DST: variants seen among roughly 807,000 people sequenced by gnomAD.
DST encodes the protein dystonin.
A neutral mutation model predicts 875.2 loss-of-function variants in DST; 253 were observed. The observed-to-expected ratio is 0.29, with a 90% CI of 0.26 to 0.32. DST has a LOEUF of 0.32. Ranked by LOEUF, DST falls within the 10% of genes least tolerant of loss-of-function variation. DST has a pLI of 1.00. For synonymous variants in DST, 3,124 were observed against 3,197.1 expected (o/e 0.98, Z 0.77); for missense variants, 8,287 against 9,111.6 (o/e 0.91, Z 3.68).
At chr6:56,512,713 T>C (rs944078972) in intron 72 of DST, among the ~76,000 whole-genome samples, 1 of 152,226 alleles carries the variant, frequency 6.6e-6, no homozygotes, top group Non-Finnish European at 1.5e-5. Context: ...ATGAGCATTA[T>C]TTTGAGAACC....
intron 10 of DST, among the ~76,000 whole-genome samples, chr6:56,669,170 CAAAT>C (rs1195743916): frequency 6.7e-6 from 1 of 148,990 alleles, no homozygotes; most frequent in Non-Finnish European, 1.5e-5. Context: ...TTATTGTAAT[CAAAT>C]AAATTGGTTA....
Position 56,633,591 on chromosome 6 carries a change from C to G in DST, c.3621+541G>C, listed in dbSNP as rs192843831. Among the ~76,000 whole-genome samples the G allele has an allele frequency of 1.7e-3, 265 of 151,700 alleles. 1 individual carries two copies. Among genetic ancestry groups the G allele is most frequent in the African/African-American group, 4.8e-3 (198 of 41,316 alleles). On this transcript the variant is annotated intron_variant, in intron 27 of 103. Transcript: ENST00000680361. ...TCTCAGCTCACTGCAACCTCTGCCC[C>G]CCAGGTCCAAGCAATTCTCCTGCCT... is the stretch of plus-strand genomic sequence containing the variant.
chr6:56,587,687 A>T (rs1388190081), intron 49 of DST, among the ~76,000 whole-genome samples: 1 of 152,220 alleles, frequency 6.6e-6, no homozygotes, highest in Non-Finnish European at 1.5e-5. Flanking sequence ...CACAAAGGGA[A>T]GCCCATCAGA....
chr6:56,777,220 C>G (rs908496931), intron 4 of DST, among the ~76,000 whole-genome samples: 12 of 152,098 alleles, frequency 7.9e-5, no homozygotes, highest in African/African-American at 1.2e-4. Context: ...AATAGGAAAC[C>G]CTGTTTCTGA....
chr6:56,912,653 C>CA (rs1592394160), intron 2 of DST, among the ~76,000 whole-genome samples: 2 of 152,184 alleles, frequency 1.3e-5, no homozygotes, highest in Non-Finnish European at 2.9e-5. Flanking sequence ...ACGCATAGAT[C>CA]AGCAAGTGGG....
intron 50 of DST, among the ~76,000 whole-genome samples, chr6:56,577,749 A>G (rs1294955999): frequency 6.6e-6 from 1 of 152,214 alleles, no homozygotes; most frequent in Non-Finnish European, 1.5e-5. Flanking sequence ...ACAGAAATAC[A>G]CAATAACATT....
At chr6:56,767,467 A>G (rs141038099) in intron 4 of DST, among the ~76,000 whole-genome samples, 1,757 of 152,100 alleles carry the variant, frequency 0.012, 44 homozygotes, top group African/African-American at 0.041. Context: ...AAATACAAAA[A>G]TTAGCGTGGC....
intron 10 of DST, among the ~76,000 whole-genome samples, chr6:56,653,069 C>T (rs187333571): frequency 6.6e-6 from 1 of 152,284 alleles, no homozygotes; most frequent in East Asian, 1.9e-4. Context: ...TGCCAAATCT[C>T]AGAACAAGAC....
At chr6:56,828,928 G>A (rs905974785) in intron 4 of DST, among the ~76,000 whole-genome samples, 1 of 152,104 alleles carries the variant, frequency 6.6e-6, no homozygotes, top group Non-Finnish European at 1.5e-5. Flanking sequence ...AATCTAGAAA[G>A]CTTCACTAAT....
In DST at chr6:56,573,680, A is replaced by G. The variant is rs2097815812; in HGVS notation, c.13235T>C (p.Ile4412Thr). ...GGACTTTTTTTTAAAGTCACTTACA[A>G]TGTTTTTACTGATAATATCCTGAAG... is the stretch of plus-strand genomic sequence containing the variant. ...TALQDIISKNIMLEQDIAGRQ... is the reference protein window; with the variant it reads ...TALQDIISKNTMLEQDIAGRQ... Residue 4412 changes from isoleucine to threonine, a missense_variant and splice_region_variant, in exon 51 of 104, where the codon ATT becomes ACT. This residue lies in a region of DST where 1,513 missense variants were observed against 1,677.8 expected (regional missense o/e 0.90). Coordinates refer to ENST00000680361, the MANE Select transcript of DST (RefSeq NM_001374736.1). 6.2e-7 allele frequency: 1 copy of G among 1,608,858 alleles called. No individual in the cohort carries two copies.
At chr6:56,924,451 T>C (rs537995695) in intron 2 of DST, among the ~76,000 whole-genome samples, 1 of 152,362 alleles carries the variant, frequency 6.6e-6, no homozygotes, top group East Asian at 1.9e-4. Context: ...TGTGTTTATC[T>C]GTATGTATAT....
At chr6:56,543,219 A>G (rs1272688341) in intron 61 of DST, among the ~76,000 whole-genome samples, 1 of 152,236 alleles carries the variant, frequency 6.6e-6, no homozygotes, top group Non-Finnish European at 1.5e-5. Flanking sequence ...CCTTCAGTTG[A>G]AACCGCACTT....
intron 4 of DST, among the ~76,000 whole-genome samples, chr6:56,737,322 T>TA: frequency 6.6e-6 from 1 of 152,372 alleles, no homozygotes; most frequent in Non-Finnish European, 1.5e-5. Context: ...TTTTATTTTT[T>TA]AAAAAATTTC....
Position 56,482,673 on chromosome 6 carries a change from T to TTACC in DST, c.21402+9_21402+10insGGTA. The TTACC allele has an allele frequency of 6.2e-7, 1 of 1,606,928 alleles. No homozygotes were observed. The highest frequency in any genetic ancestry group is 8.5e-7 in the Non-Finnish European group (1 of 1,175,940). On this transcript the variant is annotated intron_variant, in intron 89 of 103. Coordinates refer to ENST00000680361, the MANE Select transcript of DST (RefSeq NM_001374736.1). ...CCATTACACCCAGCTCTCATTTACATGGTTTTTACCTGACGCAGGGCTGCT... is the reference window on the plus strand; with the variant it reads ...CCATTACACCCAGCTCTCATTTACATTACCGGTTTTTACCTGACGCAGGGCTGCT...
intron 4 of DST, among the ~76,000 whole-genome samples, chr6:56,749,983 C>T (rs1021160492): frequency 1.3e-5 from 2 of 152,146 alleles, no homozygotes; most frequent in Admixed American, 1.3e-4. Context: ...AACCCAACAC[C>T]ATCCCAGAAG....
intron 99 of DST, among the ~76,000 whole-genome samples, chr6:56,465,850 T>C (rs1289423716): frequency 7.4e-6 from 1 of 134,730 alleles, no homozygotes; most frequent in Non-Finnish European, 1.6e-5. Flanking sequence ...CCGCCCACCA[T>C]ATTTATCCAG....
intron 88 of DST, chr6:56,483,744 A>T (rs909501343): frequency 2.6e-5 from 4 of 152,042 alleles, no homozygotes; most frequent in African/African-American, 4.8e-5. Flanking sequence ...TAAAAAAATC[A>T]TCATAAATGA....
At chr6:56,947,576 T>C (rs886692295) in intron 2 of DST, among the ~76,000 whole-genome samples, 1 of 152,224 alleles carries the variant, frequency 6.6e-6, no homozygotes, top group Non-Finnish European at 1.5e-5. Flanking sequence ...TCACAGCAGA[T>C]GCCCTCCTAA....
chr6:56,770,980 CAA>C (rs2099657724), intron 4 of DST, among the ~76,000 whole-genome samples: 1 of 138,832 alleles, frequency 7.2e-6, no homozygotes, highest in Non-Finnish European at 1.5e-5. Context: ...GCCTGGGCAA[CAA>C]GAGCGAAACT....
Sources: allele counts gnomAD v4.1 joint callset (sites outside exome capture counted in the v4.1 genomes callset), GRCh38; gene constraint gnomAD v4.1.1; regional missense constraint gnomAD v4.1.1; transcripts MANE v1.5; gene names NCBI Gene and HGNC (gene_info 2026-07-23, HGNC 2026-07-21).